The following DLGAP2 variants were observed in gnomAD, a reference collection of about 807,000 sequenced individuals.
DLGAP2 encodes the protein DLG associated protein 2.
A neutral mutation model predicts 100.3 loss-of-function variants in DLGAP2; 26 were observed. That is an observed-to-expected ratio of 0.26 (90% CI 0.19 to 0.36). DLGAP2 has a LOEUF of 0.36. DLGAP2 is among the 10% of genes least tolerant of loss of function. DLGAP2 has a pLI of 1.00. For missense variants in DLGAP2, 1,858 were observed against 1,453.2 expected, an observed-to-expected ratio of 1.28 and a Z score of -4.53; for synonymous variants, 886 against 630.1, an observed-to-expected ratio of 1.41 and a Z score of -6.08.
At chr8:895,477 A>AGCGT (rs1476165211) in intron 1 of DLGAP2, among the ~76,000 whole-genome samples, 1 of 152,106 alleles carries the variant, frequency 6.6e-6, no homozygotes, top group Non-Finnish European at 1.5e-5. Context: ...CCCTTCTGAG[A>AGCGT]CCACACGCTT....
chr8:1,651,506 G>T (rs1798163138), intron 8 of DLGAP2, among the ~76,000 whole-genome samples: 1 of 152,212 alleles, frequency 6.6e-6, no homozygotes, highest in Non-Finnish European at 1.5e-5. Flanking sequence ...CCTCAACTGA[G>T]CTGCTTCTCT....
intron 2 of DLGAP2, among the ~76,000 whole-genome samples, chr8:1,175,209 C>G (rs972425103): frequency 6.6e-6 from 1 of 151,896 alleles, no homozygotes. Context: ...TAGTAACCCG[C>G]AGTGAGCACA....
At chr8:1,223,972 C>G (rs1402537681) in intron 2 of DLGAP2, among the ~76,000 whole-genome samples, 2 of 152,034 alleles carry the variant, frequency 1.3e-5, no homozygotes, top group Non-Finnish European at 1.5e-5. Context: ...ATTATTTTAC[C>G]TTATTAATTT....
chr8:1,079,441 A>C lies in DLGAP2; in HGVS notation c.73+171475A>C, dbSNP rs185874964. ...TATTTTGTTTAAACTATTTTTCAAA[A>C]AAAATTAAAGTCAGATTAGCAGCCT... is the stretch of plus-strand genomic sequence containing the variant. On this transcript the variant is annotated intron_variant, in intron 2 of 14. Coordinates refer to ENST00000637795, the MANE Select transcript of DLGAP2 (RefSeq NM_001346810.2). 4.1e-4 allele frequency among the ~76,000 whole-genome samples: 62 copies of C among 152,302 alleles called. 2 individuals are homozygous for C. The highest frequency in any genetic ancestry group is 3.4e-3 in the Middle Eastern group (1 of 294).
At chr8:1,107,790 A>G (rs2129045114) in intron 2 of DLGAP2, among the ~76,000 whole-genome samples, 1 of 152,268 alleles carries the variant, frequency 6.6e-6, no homozygotes, top group South Asian at 2.1e-4. Flanking sequence ...GTTACGGCCC[A>G]TCCTATGCTG....
intron 8 of DLGAP2, among the ~76,000 whole-genome samples, chr8:1,638,453 A>G (rs907197718): frequency 6.6e-6 from 1 of 152,078 alleles, no homozygotes; most frequent in African/African-American, 2.4e-5. Context: ...CCTCCATGAC[A>G]TGAATCAATG....
chr8:1,519,939 C>A (rs908141099), intron 4 of DLGAP2, among the ~76,000 whole-genome samples: 65 of 152,232 alleles, frequency 4.3e-4, no homozygotes, highest in African/African-American at 1.5e-3. Context: ...TCCTCCCACA[C>A]CTGCCCTGGG....
intron 1 of DLGAP2, among the ~76,000 whole-genome samples, chr8:893,736 A>C (rs1201697984): frequency 6.6e-6 from 1 of 152,156 alleles, no homozygotes; most frequent in East Asian, 1.9e-4. Flanking sequence ...CTTTTGGAAA[A>C]TGTTTGCAGA....
At chr8:1,534,837 G>T (rs1206556472) in intron 4 of DLGAP2, among the ~76,000 whole-genome samples, 1 of 152,260 alleles carries the variant, frequency 6.6e-6, no homozygotes, top group African/African-American at 2.4e-5. Context: ...GCGCACGTGT[G>T]CTTGCGTGTG....
chr8:1,696,588 C>T (rs958576573), intron 13 of DLGAP2, among the ~76,000 whole-genome samples: 4 of 152,234 alleles, frequency 2.6e-5, no homozygotes, highest in Admixed American at 6.5e-5. Context: ...CTGGGCCACT[C>T]GGCCCAGGGC....
chr8:1,098,675 G>A (rs1468403699), intron 2 of DLGAP2, among the ~76,000 whole-genome samples: 3 of 129,396 alleles, frequency 2.3e-5, no homozygotes, highest in Admixed American at 1.5e-4. Flanking sequence ...CCAGGCTCCC[G>A]GCCGCCCACG....
chr8:1,568,138 C>T lies in DLGAP2; in HGVS notation c.1442+2244C>T, dbSNP rs375480852. ...CACTGTCCATTCAGCAGACACAAAT[C>T]CACTCTGCCCGTGGCCCCCATGCCA... On this transcript the variant is annotated intron_variant, in intron 6 of 14. Coordinates refer to ENST00000637795, the MANE Select transcript of DLGAP2 (RefSeq NM_001346810.2). Among the ~76,000 whole-genome samples, 14 of 150,836 alleles carry T rather than the reference C, an allele frequency of 9.3e-5. 1 individual carries two copies. The highest frequency in any genetic ancestry group is 6.0e-4 in the East Asian group (3 of 5,030).
At chr8:935,710 C>T (rs961215545) in intron 2 of DLGAP2, among the ~76,000 whole-genome samples, 1 of 152,048 alleles carries the variant, frequency 6.6e-6, no homozygotes, top group Non-Finnish European at 1.5e-5. Flanking sequence ...ATCTCTACAC[C>T]CCAGCAGCCC....
intron 1 of DLGAP2, among the ~76,000 whole-genome samples, chr8:879,865 G>A (rs1226853335): frequency 6.6e-6 from 1 of 152,150 alleles, no homozygotes; most frequent in East Asian, 1.9e-4. Flanking sequence ...TACCTGGACT[G>A]TCTTCTCCAT....
intron 2 of DLGAP2, among the ~76,000 whole-genome samples, chr8:1,227,051 G>C (rs189823797): frequency 6.7e-6 from 1 of 148,238 alleles, no homozygotes; most frequent in Non-Finnish European, 1.5e-5. Flanking sequence ...AAATATATCT[G>C]CACTCCCTGT....
intron 3 of DLGAP2, among the ~76,000 whole-genome samples, chr8:1,436,372 C>T (rs1038298422): frequency 6.6e-6 from 1 of 152,208 alleles, no homozygotes; most frequent in Non-Finnish European, 1.5e-5. Flanking sequence ...CTGGAAGACT[C>T]AGCCAGTCCA....
intron 2 of DLGAP2, among the ~76,000 whole-genome samples, chr8:1,087,410 C>G (rs180699536): frequency 6.6e-6 from 1 of 152,182 alleles, no homozygotes; most frequent in Non-Finnish European, 1.5e-5. Context: ...GGCTGTGTTC[C>G]TCACTCCAGC....
At chr8:1,669,000 G>A (rs150388752) in intron 9 of DLGAP2, among the ~76,000 whole-genome samples, 2 of 152,332 alleles carry the variant, frequency 1.3e-5, no homozygotes, top group South Asian at 2.1e-4. Flanking sequence ...TAGAGAGTAT[G>A]GAGATAACAC....
intron 2 of DLGAP2, among the ~76,000 whole-genome samples, chr8:919,058 G>T (rs1798654339): frequency 6.6e-6 from 1 of 152,002 alleles, no homozygotes; most frequent in African/African-American, 2.4e-5. Flanking sequence ...CTCCCTTCTT[G>T]GCCTCCCAAA....
Sources: gnomAD v4.1 joint callset for allele counts (sites outside exome capture counted in the v4.1 genomes callset) on GRCh38, gnomAD v4.1.1 for gene constraint, MANE v1.5 for transcripts, NCBI Gene and HGNC (gene_info 2026-07-23, HGNC 2026-07-21) for gene names.